Variants in KCND2 observed in about 807,000 individuals in gnomAD.
KCND2 encodes the protein potassium voltage-gated channel subfamily D member 2, also known as A-type voltage-gated potassium channel KCND2.
KCND2 carries 16 observed loss-of-function variants against 54.4 expected under a neutral mutation model. That is an observed-to-expected ratio of 0.29 (90% CI 0.20 to 0.45). KCND2 has a LOEUF of 0.45. KCND2 is among the 20% of genes least tolerant of loss of function. The pLI is 1.00. For synonymous variants in KCND2, 317 were observed against 310.7 expected, an observed-to-expected ratio of 1.02 and a Z score of -0.21; for missense variants, 486 against 824.2, an observed-to-expected ratio of 0.59 and a Z score of 5.02.
intron 1 of KCND2, among the ~76,000 whole-genome samples, chr7:120,678,878 A>T (rs1238060546): frequency 6.6e-6 from 1 of 150,966 alleles, no homozygotes; most frequent in East Asian, 1.9e-4. Flanking sequence ...CAACATAAAG[A>T]GTTCTGAAGC....
chr7:120,489,858 C>T (rs10279812), intron 1 of KCND2, among the ~76,000 whole-genome samples: 42,424 of 151,958 alleles, frequency 0.28, 8,671 homozygotes, highest in African/African-American at 0.56. Context: ...GTGGGCCCGC[C>T]ATGATAATTC....
intron 1 of KCND2, among the ~76,000 whole-genome samples, chr7:120,513,269 A>G (rs985567061): frequency 1.3e-5 from 2 of 152,128 alleles, no homozygotes; most frequent in African/African-American, 4.8e-5. Context: ...GTTTTCAGAC[A>G]TGTACATTTG....
intron 1 of KCND2, among the ~76,000 whole-genome samples, chr7:120,623,457 T>C (rs565387582): frequency 6.6e-6 from 1 of 152,296 alleles, no homozygotes; most frequent in South Asian, 2.1e-4. Flanking sequence ...ATGATTTGCT[T>C]GTGTTTGTAT....
intron 1 of KCND2, among the ~76,000 whole-genome samples, chr7:120,437,609 C>G (rs929240170): frequency 3.3e-5 from 5 of 151,910 alleles, no homozygotes; most frequent in African/African-American, 7.3e-5. Context: ...ATAAACCAAC[C>G]CCCTAGAGAT....
intron 1 of KCND2, among the ~76,000 whole-genome samples, chr7:120,403,947 T>C (rs1801311055): frequency 6.6e-6 from 1 of 152,146 alleles, no homozygotes; most frequent in Non-Finnish European, 1.5e-5. Context: ...AGAAAATCAT[T>C]TTCAGAATTT....
intron 1 of KCND2, among the ~76,000 whole-genome samples, chr7:120,661,896 G>A (rs777053279): frequency 6.6e-6 from 1 of 152,126 alleles, no homozygotes; most frequent in Non-Finnish European, 1.5e-5. Flanking sequence ...TGAGCTACAG[G>A]TATTTTTAAA....
chr7:120,623,340 C>A (rs931169800), intron 1 of KCND2, among the ~76,000 whole-genome samples: 2 of 152,290 alleles, frequency 1.3e-5, no homozygotes, highest in East Asian at 1.9e-4. Flanking sequence ...CCTTCACCAT[C>A]CCCTATCCCC....
intron 1 of KCND2, among the ~76,000 whole-genome samples, chr7:120,355,479 G>C (rs770841586): frequency 1.4e-4 from 21 of 152,086 alleles, no homozygotes; most frequent in Non-Finnish European, 2.8e-4. Context: ...CCTGGGAGGT[G>C]GGGGGGTGCA....
intron 1 of KCND2, among the ~76,000 whole-genome samples, chr7:120,350,033 T>C (rs1333293889): frequency 2.0e-5 from 3 of 151,956 alleles, no homozygotes; most frequent in Non-Finnish European, 2.9e-5. Context: ...AAGACTTTTA[T>C]AACTTTATAT....
Position 120,274,638 on chromosome 7 carries a change from G to C in KCND2, c.6G>C (p.Ala2=). The change falls in exon 1 of 6, where the codon GCG becomes GCC. Residue 2 remains alanine (A), a synonymous_variant. Coordinates refer to ENST00000331113, the MANE Select transcript of KCND2 (RefSeq NM_012281.3). Reference sequence around the variant, plus strand: ...TCCTTCCGCTTCAAGTAATCATGGCGGCGGGGGTGGCAGCGTGGCTGCCTT... The same window carrying C: ...TCCTTCCGCTTCAAGTAATCATGGCCGCGGGGGTGGCAGCGTGGCTGCCTT... M[A]AGVAAWLPFA... 1 of 1,614,088 alleles carries C rather than the reference G, an allele frequency of 6.2e-7. No individual in the cohort carries two copies. Among genetic ancestry groups the C allele is most frequent in the Non-Finnish European group, 8.5e-7 (1 of 1,180,038 alleles).
At chr7:120,388,929 A>G (rs990348467) in intron 1 of KCND2, among the ~76,000 whole-genome samples, 1 of 150,896 alleles carries the variant, frequency 6.6e-6, no homozygotes, top group African/African-American at 2.4e-5. Flanking sequence ...TACATATAGT[A>G]AACTGGTAGA....
chr7:120,327,729 T>C (rs2116341960), intron 1 of KCND2, among the ~76,000 whole-genome samples: 1 of 152,096 alleles, frequency 6.6e-6, no homozygotes, highest in East Asian at 1.9e-4. Context: ...GCATATTGTC[T>C]AATCACTCTC....
intron 1 of KCND2, among the ~76,000 whole-genome samples, chr7:120,631,975 C>T (rs1793239058): frequency 6.6e-6 from 1 of 152,062 alleles, no homozygotes; most frequent in Admixed American, 6.6e-5. Flanking sequence ...AATCATCAGC[C>T]TAGTGTCTCA....
At position 120,742,619 on chromosome 7, in the gene KCND2, A is replaced by G; in HGVS notation, c.1467+17A>G. On this transcript the variant is annotated intron_variant, in intron 4 of 5. Transcript: ENST00000331113. ...AAAACCACGGTAAGGAGACAGCATG[A>G]CTGCCTTCCCTTGCTCTCTGACAGT... 1 of 1,587,410 alleles carries G rather than the reference A, an allele frequency of 6.3e-7. No homozygotes were observed. Among genetic ancestry groups the G allele is most frequent in the Non-Finnish European group, 8.7e-7 (1 of 1,155,856 alleles).
chr7:120,304,292 AT>A (rs1799621478), intron 1 of KCND2, among the ~76,000 whole-genome samples: 2 of 152,194 alleles, frequency 1.3e-5, no homozygotes. Flanking sequence ...GAAGTTCGGT[AT>A]TTTGAAACTA....
At position 120,430,278 on chromosome 7, in the gene KCND2, CCTT is replaced by C. The variant is rs1039358594; in HGVS notation, c.1115+154538_1115+154540del. Among the ~76,000 whole-genome samples the C allele has an allele frequency of 2.8e-4, 43 of 152,032 alleles. 1 individual carries two copies. Among genetic ancestry groups the C allele is most frequent in the Admixed American group, 1.8e-3 (27 of 15,236 alleles). On this transcript the variant is annotated intron_variant, in intron 1 of 5. Transcript: ENST00000331113. ...CTTCGTGTGCCTCCCTGGTGTCTCT[CCTT>C]CTTCTTATAAGGACACCAGTTCTAC... is the stretch of plus-strand genomic sequence containing the variant.
chr7:120,547,167 A>G lies in KCND2; in HGVS notation c.1116-185736A>G, dbSNP rs77244874. Among the ~76,000 whole-genome samples, 320 of 152,112 alleles carry G rather than the reference A, an allele frequency of 2.1e-3. 5 individuals are homozygous for G. In the East Asian group the frequency reaches 0.054, roughly 26 times the overall value. ...TTGCTCTGTAATTGCTTATATTTAA[A>G]TTTTCCTTCTGTTAAATAAAAACAA... On this transcript the variant is annotated intron_variant, in intron 1 of 5. Transcript: ENST00000331113.
At chr7:120,456,042 T>C (rs1439304535) in intron 1 of KCND2, among the ~76,000 whole-genome samples, 2 of 152,168 alleles carry the variant, frequency 1.3e-5, no homozygotes, top group Non-Finnish European at 2.9e-5. Context: ...TTATTGTTGA[T>C]TATTACTAAA....
chr7:120,621,278 A>AC, intron 1 of KCND2, among the ~76,000 whole-genome samples: 1 of 80,622 alleles, frequency 1.2e-5, no homozygotes, highest in Non-Finnish European at 2.2e-5. Flanking sequence ...CTCCGTCTCA[A>AC]AAAAAAAAAA....
Sources: allele counts gnomAD v4.1 joint callset (sites outside exome capture counted in the v4.1 genomes callset), GRCh38; gene constraint gnomAD v4.1.1; transcripts MANE v1.5; gene names NCBI Gene and HGNC (gene_info 2026-07-23, HGNC 2026-07-21).